The following MTUS2 variants were observed in gnomAD, a reference collection of about 807,000 sequenced individuals.
The protein encoded by MTUS2 is microtubule-associated tumor suppressor candidate 2.
MTUS2 carries 40 observed loss-of-function variants against 114.1 expected under a neutral mutation model. The observed-to-expected ratio is 0.35, with a 90% CI of 0.27 to 0.46. The LOEUF (loss-of-function observed/expected upper bound fraction) is 0.46. Among genes scored for constraint, MTUS2 ranks in the 20% least tolerant of loss-of-function variants. The probability of loss-of-function intolerance (pLI) is 1.00; values close to 1 mark genes in which losing one functional copy is unlikely to be tolerated. For synonymous variants in MTUS2, 688 were observed against 672.0 expected, an observed-to-expected ratio of 1.02 and a Z score of -0.37; for missense variants, 1,679 against 1,705.4, an observed-to-expected ratio of 0.98 and a Z score of 0.27.
intron 2 of MTUS2, among the ~76,000 whole-genome samples, chr13:29,009,543 G>A (rs998147167): frequency 6.6e-6 from 1 of 152,154 alleles, no homozygotes. Context: ...ATGGAGAATA[G>A]GTCATATTTG....
chr13:28,912,874 ATT>A (rs201600802), intron 2 of MTUS2, among the ~76,000 whole-genome samples: 1 of 151,484 alleles, frequency 6.6e-6, no homozygotes, highest in Non-Finnish European at 1.5e-5. Flanking sequence ...TTTAAAAAAA[ATT>A]TTGTTATTAT....
At chr13:29,132,478 AAACTCTGTACCCATTAAACAAC>A (rs1446458484) in intron 5 of MTUS2, among the ~76,000 whole-genome samples, 2 of 152,178 alleles carry the variant, frequency 1.3e-5, no homozygotes, top group Non-Finnish European at 2.9e-5. Flanking sequence ...CACAGAACTG[AAACTCTGTACCCATTAAACAAC>A]AACTCTGCAT....
intron 8 of MTUS2, among the ~76,000 whole-genome samples, chr13:29,429,365 C>T (rs115815178): frequency 1.8e-3 from 274 of 152,332 alleles, no homozygotes; most frequent in African/African-American, 6.2e-3. Flanking sequence ...ACATTCTTCA[C>T]ATCAGAGAAG....
chr13:29,144,908 T>A (rs1892368825), intron 5 of MTUS2, among the ~76,000 whole-genome samples: 1 of 152,222 alleles, frequency 6.6e-6, no homozygotes, highest in Non-Finnish European at 1.5e-5. Flanking sequence ...TTACAGTATG[T>A]CTGCCACAGT....
intron 4 of MTUS2, among the ~76,000 whole-genome samples, chr13:29,080,874 C>T (rs1424106400): frequency 6.6e-6 from 1 of 152,062 alleles, no homozygotes; most frequent in African/African-American, 2.4e-5. Context: ...TACAGGTGCC[C>T]ACCACTATGC....
chr13:28,856,289 T>G, intron 2 of MTUS2, among the ~76,000 whole-genome samples: 1 of 152,228 alleles, frequency 6.6e-6, no homozygotes, highest in East Asian at 1.9e-4. Flanking sequence ...TTAGGCACAC[T>G]AAGTATTGTT....
At chr13:29,370,168 G>A (rs1413509308) in intron 8 of MTUS2, among the ~76,000 whole-genome samples, 1 of 151,712 alleles carries the variant, frequency 6.6e-6, no homozygotes, top group Non-Finnish European at 1.5e-5. Context: ...TGGGCAACAT[G>A]GCAAAACCTC....
At chr13:29,455,776 T>C (rs973908263) in intron 9 of MTUS2, among the ~76,000 whole-genome samples, 1 of 151,808 alleles carries the variant, frequency 6.6e-6, no homozygotes, top group African/African-American at 2.4e-5. Flanking sequence ...AGTTCAGGAG[T>C]TCGAAACCAG....
chr13:29,411,729 G>A (rs1875252936), intron 8 of MTUS2, among the ~76,000 whole-genome samples: 1 of 152,164 alleles, frequency 6.6e-6, no homozygotes, highest in Admixed American at 6.5e-5. Context: ...CCATTCATTT[G>A]TCTAAGTCTA....
chr13:29,008,490 C>A (rs2138411905), intron 2 of MTUS2, among the ~76,000 whole-genome samples: 1 of 152,286 alleles, frequency 6.6e-6, no homozygotes, highest in Non-Finnish European at 1.5e-5. Context: ...TGTCCTGGCT[C>A]CCCTGTCTTC....
intron 2 of MTUS2, among the ~76,000 whole-genome samples, chr13:28,878,827 G>C (rs886374175): frequency 2.0e-5 from 3 of 152,136 alleles, no homozygotes; most frequent in African/African-American, 4.8e-5. Flanking sequence ...AATGATTGCT[G>C]TTCCTCTGAG....
chr13:29,017,954 T>A (rs1886135672), intron 2 of MTUS2, among the ~76,000 whole-genome samples: 1 of 152,230 alleles, frequency 6.6e-6, no homozygotes. Flanking sequence ...CTATTTTAGA[T>A]GTACGTGGCT....
chr13:29,216,675 C>T (rs1895695259), intron 5 of MTUS2, among the ~76,000 whole-genome samples: 1 of 152,212 alleles, frequency 6.6e-6, no homozygotes, highest in South Asian at 2.1e-4. Flanking sequence ...TCTGCTCACC[C>T]TGCATGGGCT....
At chr13:28,963,108 T>C (rs1176526286) in intron 2 of MTUS2, among the ~76,000 whole-genome samples, 1 of 152,136 alleles carries the variant, frequency 6.6e-6, no homozygotes, top group Non-Finnish European at 1.5e-5. Context: ...TTCCAGCACT[T>C]TGGGAGGCCG....
chr13:28,836,795 C>T (rs571540276), intron 1 of MTUS2, among the ~76,000 whole-genome samples: 62 of 152,168 alleles, frequency 4.1e-4, no homozygotes, highest in African/African-American at 1.4e-3. Context: ...GGTGGTGTGG[C>T]TGAGCTGGAG....
intron 2 of MTUS2, among the ~76,000 whole-genome samples, chr13:28,905,729 T>C (rs1405324689): frequency 6.6e-6 from 1 of 151,544 alleles, no homozygotes; most frequent in African/African-American, 2.4e-5. Flanking sequence ...TTTTGTTGTG[T>C]CTCTGCCAGG....
chr13:29,227,132 G>A (rs542886959), intron 5 of MTUS2, among the ~76,000 whole-genome samples: 1 of 151,892 alleles, frequency 6.6e-6, no homozygotes, highest in Non-Finnish European at 1.5e-5. Flanking sequence ...GGTAGTGTGT[G>A]CCTGTAATAC....
chr13:28,954,329 G>A (rs1031079619), intron 2 of MTUS2, among the ~76,000 whole-genome samples: 4 of 152,174 alleles, frequency 2.6e-5, no homozygotes, highest in Admixed American at 6.5e-5. Context: ...GTGCTGACAA[G>A]TCTGAGGGAA....
intron 4 of MTUS2, among the ~76,000 whole-genome samples, chr13:29,061,082 C>T (rs1176162649): frequency 2.6e-5 from 4 of 152,094 alleles, no homozygotes; most frequent in African/African-American, 7.2e-5. Context: ...TGAGCCACTG[C>T]GCCCAGCCAT....
Sources: allele counts gnomAD v4.1 joint callset (sites outside exome capture counted in the v4.1 genomes callset), GRCh38; gene constraint gnomAD v4.1.1; transcripts MANE v1.5; gene names NCBI Gene and HGNC (gene_info 2026-07-23, HGNC 2026-07-21).